PARD3: variants seen among roughly 807,000 people sequenced by gnomAD.
The protein encoded by PARD3 is partitioning defective 3 homolog.
A neutral mutation model predicts 155.4 loss-of-function variants in PARD3; 75 were observed. The observed-to-expected ratio is 0.48, with a 90% CI of 0.40 to 0.58. The LOEUF (loss-of-function observed/expected upper bound fraction) is 0.58. Among genes scored for constraint, PARD3 ranks in the 20% least tolerant of loss-of-function variants. The pLI is 0.00. For synonymous variants in PARD3, 576 were observed against 610.5 expected (o/e 0.94, Z 0.83); for missense variants, 1,642 against 1,721.7 (o/e 0.95, Z 0.82).
chr10:34,356,657 C>T (rs1422496487), intron 14 of PARD3, among the ~76,000 whole-genome samples: 1 of 152,162 alleles, frequency 6.6e-6, no homozygotes, highest in Non-Finnish European at 1.5e-5. Flanking sequence ...GTGCTTATAT[C>T]AATATTTACT....
chr10:34,220,342 T>A (rs10508798), intron 22 of PARD3, among the ~76,000 whole-genome samples: 5,483 of 152,238 alleles, frequency 0.036, 317 homozygotes, highest in African/African-American at 0.12. Context: ...TTGTGAAAAT[T>A]GCACTTTCAT....
At chr10:34,812,980 C>T (rs905096247) in intron 1 of PARD3, among the ~76,000 whole-genome samples, 29 of 152,326 alleles carry the variant, frequency 1.9e-4, no homozygotes, top group Admixed American at 1.1e-3. Flanking sequence ...CTCCCCATGT[C>T]ATCACCAGCT....
chr10:34,356,577 TAA>T (rs1451790333), intron 14 of PARD3, among the ~76,000 whole-genome samples: 4 of 152,214 alleles, frequency 2.6e-5, no homozygotes, highest in Non-Finnish European at 5.9e-5. Context: ...TACAGCTGAT[TAA>T]AAGACCTAGA....
In PARD3 at chr10:34,450,428, G is replaced by C; in HGVS notation, c.603C>G (p.Ser201Arg). ...CDRKKDENYR[S>R]LPRDTSNWSN... The stretch of plus-strand genomic sequence containing the variant: ...ACCAGTTACTAGTATCCCGCGGGAG[G>C]CTTCTGTAGTTTTCATCTTTCTATT... Residue 201 changes from serine to arginine, a missense_variant, in exon 5 of 25, where the codon AGC becomes AGG. Transcript: ENST00000374788. 3 of 1,610,670 alleles carry C rather than the reference G, an allele frequency of 1.9e-6. No homozygotes were observed. The highest frequency in any genetic ancestry group is 2.5e-6 in the Non-Finnish European group (3 of 1,179,156).
In PARD3 at chr10:34,568,645, T is replaced by A. The variant is rs1319192202; in HGVS notation, c.223-51486A>T. Among the ~76,000 whole-genome samples the A allele has an allele frequency of 1.3e-5, 2 of 152,200 alleles. 1 individual carries two copies. Among genetic ancestry groups the A allele is most frequent in the South Asian group, 4.1e-4 (2 of 4,832 alleles). Reference sequence around the variant, plus strand: ...TGCAGCTGTGGGGTGGCAGACCATGTGGCGTGACCTCCCCTGTTCTCAGAC... The same window carrying A: ...TGCAGCTGTGGGGTGGCAGACCATGAGGCGTGACCTCCCCTGTTCTCAGAC... On this transcript the variant is annotated intron_variant, in intron 2 of 24. Transcript: ENST00000374788.
chr10:34,392,470 A>G (rs1842943675), intron 7 of PARD3, among the ~76,000 whole-genome samples: 1 of 152,240 alleles, frequency 6.6e-6, no homozygotes, highest in African/African-American at 2.4e-5. Context: ...TTGAGAATAA[A>G]TTAATAAATA....
intron 22 of PARD3, among the ~76,000 whole-genome samples, chr10:34,229,854 C>T (rs1003327831): frequency 3.3e-5 from 5 of 152,070 alleles, no homozygotes; most frequent in African/African-American, 1.2e-4. Flanking sequence ...AACAAAGAAA[C>T]ATGTCTTTCA....
At chr10:34,484,711 C>T (rs147640223) in intron 3 of PARD3, among the ~76,000 whole-genome samples, 117 of 152,326 alleles carry the variant, frequency 7.7e-4, no homozygotes, top group African/African-American at 2.7e-3. Context: ...CGTGATCCTG[C>T]TGCTTCATAA....
At chr10:34,128,361 AGAAAAG>A (rs1947400979) in intron 23 of PARD3, among the ~76,000 whole-genome samples, 1 of 152,234 alleles carries the variant, frequency 6.6e-6, no homozygotes, top group African/African-American at 2.4e-5. Flanking sequence ...TTCCATTTAA[AGAAAAG>A]GAAATGTATG....
At chr10:34,747,669 C>T (rs181400630) in intron 1 of PARD3, among the ~76,000 whole-genome samples, 227 of 152,324 alleles carry the variant, frequency 1.5e-3, no homozygotes, top group Non-Finnish European at 2.6e-3. Flanking sequence ...TCGTGGTATG[C>T]CCACCATGCC....
chr10:34,126,220 G>A (rs1472531591), intron 23 of PARD3, among the ~76,000 whole-genome samples: 1 of 152,150 alleles, frequency 6.6e-6, no homozygotes, highest in African/African-American at 2.4e-5. Context: ...GACCTTTTGT[G>A]CCACAAATCA....
At chr10:34,623,125 A>G (rs1297577246) in intron 2 of PARD3, among the ~76,000 whole-genome samples, 1 of 152,172 alleles carries the variant, frequency 6.6e-6, no homozygotes, top group Admixed American at 6.5e-5. Context: ...AGTGCTCTAC[A>G]AAGACACACA....
intron 3 of PARD3, among the ~76,000 whole-genome samples, chr10:34,476,629 C>T (rs1014813561): frequency 1.3e-5 from 2 of 152,086 alleles, no homozygotes; most frequent in African/African-American, 4.8e-5. Flanking sequence ...TTAGAAGTTC[C>T]CTTTAATACC....
Position 34,341,632 on chromosome 10 carries a change from G to A in PARD3, c.2403C>T (p.Ala801=), listed in dbSNP as rs781058544. The A allele has an allele frequency of 6.6e-5, 106 of 1,608,848 alleles. 2 individuals carry two copies. In the South Asian group the frequency reaches 8.9e-4, roughly 13 times the overall value. The change falls in exon 16 of 25, where the codon GCC becomes GCT. Residue 801 remains alanine, a synonymous_variant. Coordinates refer to ENST00000374788, the MANE Select transcript of PARD3 (RefSeq NM_001184785.2). The part of the protein sequence containing the change: ...TWAKAAISDS[A]DCSLSPDVDP... The stretch of plus-strand genomic sequence containing the variant: ...ACCCTGGACGATGAGCTTACCAGTC[G>A]GCTGAATCACTGATTGCAGCCTTGG...
intron 1 of PARD3, among the ~76,000 whole-genome samples, chr10:34,790,836 C>T (rs1336273394): frequency 6.6e-6 from 1 of 152,022 alleles, no homozygotes; most frequent in East Asian, 1.9e-4. Flanking sequence ...TGAAAGAAAC[C>T]AAAAAAATGG....
chr10:34,796,333 C>T (rs1027909210), intron 1 of PARD3, among the ~76,000 whole-genome samples: 2 of 152,128 alleles, frequency 1.3e-5, no homozygotes, highest in Non-Finnish European at 1.5e-5. Context: ...AAGAATAACC[C>T]AGCTGAGCCC....
chr10:34,375,094 A>ACT (rs1315096161), intron 10 of PARD3, 92 bp from the exon 11 acceptor site: 26 of 834,874 alleles, frequency 3.1e-5, no homozygotes, highest in Admixed American at 2.4e-4. Flanking sequence ...ACACACACAC[A>ACT]CTCTAGGACT....
intron 1 of PARD3, among the ~76,000 whole-genome samples, chr10:34,805,762 G>T (rs988896490): frequency 3.9e-5 from 6 of 151,906 alleles, no homozygotes; most frequent in African/African-American, 1.4e-4. Context: ...GGATCACGAG[G>T]TCAGGAGATC....
chr10:34,138,178 G>A (rs1564423950), intron 22 of PARD3, among the ~76,000 whole-genome samples: 1 of 152,184 alleles, frequency 6.6e-6, no homozygotes, highest in African/African-American at 2.4e-5. Context: ...CATAGAATTA[G>A]TCACTGCAAA....
Sources: gnomAD v4.1 joint callset for allele counts (sites outside exome capture counted in the v4.1 genomes callset) on GRCh38, gnomAD v4.1.1 for gene constraint, MANE v1.5 for transcripts, NCBI Gene and HGNC (gene_info 2026-07-23, HGNC 2026-07-21) for gene names.